Variants in SEMA4D observed in about 807,000 individuals in gnomAD.
SEMA4D encodes semaphorin 4D, also known as semaphorin-4D.
In SEMA4D, 22 loss-of-function variants were observed where a neutral mutation model predicts 74.8. The ratio of observed to expected loss-of-function variants is 0.29; its 90% confidence interval spans 0.21 to 0.42. The LOEUF (loss-of-function observed/expected upper bound fraction) is 0.42, where lower values mean the gene tolerates loss of function less well. SEMA4D is among the 10% of genes least tolerant of loss of function. The probability of loss-of-function intolerance (pLI) is 1.00; values close to 1 mark genes in which losing one functional copy is unlikely to be tolerated. For synonymous variants in SEMA4D, 445 were observed against 463.7 expected (o/e 0.96, Z 0.52); for missense variants, 937 against 1,118.4 (o/e 0.84, Z 2.31).
chr9:89,411,070 G>C (rs563878296), intron 2 of SEMA4D, among the ~76,000 whole-genome samples: 1 of 152,220 alleles, frequency 6.6e-6, no homozygotes, highest in African/African-American at 2.4e-5. Flanking sequence ...CTTAGGAAGC[G>C]AGTGGAGGAG....
chr9:89,419,807 C>T (rs1846512075), intron 2 of SEMA4D, among the ~76,000 whole-genome samples: 1 of 152,084 alleles, frequency 6.6e-6, no homozygotes, highest in Admixed American at 6.6e-5. Flanking sequence ...ATCCCAGCTA[C>T]TTGGGAGGCT....
chr9:89,436,936 G>C (rs55649551), intron 2 of SEMA4D, among the ~76,000 whole-genome samples: 2 of 152,250 alleles, frequency 1.3e-5, no homozygotes, highest in Admixed American at 6.5e-5. Flanking sequence ...GTGAAGTCCC[G>C]AGGAAGCAGA....
chr9:89,386,769 G>A (rs1417309986), intron 12 of SEMA4D: 1 of 323,164 alleles, frequency 3.1e-6, no homozygotes, highest in Non-Finnish European at 5.8e-6. Context: ...TACACTTGAG[G>A]CTAAGTGCCA....
chr9:89,417,462 TA>T (rs1449700867), intron 2 of SEMA4D, among the ~76,000 whole-genome samples: 2 of 152,254 alleles, frequency 1.3e-5, no homozygotes, highest in East Asian at 3.9e-4. Flanking sequence ...GCCAGCAGAA[TA>T]AAAAACCTTG....
rs1335648216 is a variant in SEMA4D, at chr9:89,430,848, G to A, written c.-244+25040C>T. On this transcript the variant is annotated intron_variant, in intron 2 of 15. Coordinates refer to ENST00000422704, the MANE Select transcript of SEMA4D (RefSeq NM_001371194.2). Reference sequence around the variant, plus strand: ...AAAAATTAGCTGGGTGTGGTGGCTCGCGCCTGTAATCCCAGCTACTCAAGA... The same window carrying A: ...AAAAATTAGCTGGGTGTGGTGGCTCACGCCTGTAATCCCAGCTACTCAAGA... Among the ~76,000 whole-genome samples the A allele has an allele frequency of 5.9e-5, 9 of 151,816 alleles. 2 individuals carry two copies. The South Asian group carries it at 1.7e-3, about 29-fold the overall frequency.
At chr9:89,388,484 T>G in intron 11 of SEMA4D, 152 bp downstream of exon 11, 4 of 827,224 alleles carry the variant, frequency 4.8e-6, no homozygotes, top group South Asian at 2.1e-5. Flanking sequence ...GGAAGAAGGA[T>G]GAGCTGTGCT....
intron 16 of SEMA4D, chr9:89,369,048 G>T (rs11507705): frequency 0.14 from 21,955 of 152,252 alleles, 2,792 homozygotes; most frequent in African/African-American, 0.35. Context: ...TCTAACATGC[G>T]AAGGACCTCA....
chr9:89,471,856 A>G (rs1268006563), intron 1 of SEMA4D, among the ~76,000 whole-genome samples: 3 of 124,678 alleles, frequency 2.4e-5, no homozygotes, highest in Non-Finnish European at 3.4e-5. Flanking sequence ...GTGCATGCCA[A>G]CTCAGGTGCA....
At chr9:89,455,076 T>C (rs1400993939) in intron 2 of SEMA4D, among the ~76,000 whole-genome samples, 2 of 152,238 alleles carry the variant, frequency 1.3e-5, no homozygotes, top group African/African-American at 4.8e-5. Context: ...ACGGGTAGCC[T>C]GGGTCATAGC....
chr9:89,363,343 T>TG, intron 18 of SEMA4D: 3 of 1,572,896 alleles, frequency 1.9e-6, no homozygotes, highest in Non-Finnish European at 2.6e-6. Context: ...CCATGCTGAA[T>TG]GGGGCCCTTG....
Position 89,389,060 on chromosome 9 carries a change from C to A in SEMA4D, c.775-13G>T. ...CGCCCTGGTCCCCCTAAAACCCCAA[C>A]AAGAAGACGTGGTGGGCCGAGAGTG... On this transcript the variant is annotated splice_polypyrimidine_tract_variant and intron_variant, in intron 9 of 15. Transcript: ENST00000422704. 1.2e-6 allele frequency: 2 copies of A among 1,613,834 alleles called. No homozygotes were observed. The highest frequency in any genetic ancestry group is 2.2e-5 in the East Asian group (1 of 44,874).
rs3922861 is a variant in SEMA4D at position 89,405,977 on chromosome 9, G to A, written c.-243-278C>T. On this transcript the variant is annotated intron_variant, in intron 2 of 15. Transcript: ENST00000422704. Reference sequence around the variant, plus strand: ...GGAGAGGACCTGGTGTGGGGCACCCGGCAGACACACATGGCCGGCTGGCTG... The same window carrying A: ...GGAGAGGACCTGGTGTGGGGCACCCAGCAGACACACATGGCCGGCTGGCTG... 2.2e-3 allele frequency: 2,411 copies of A among 1,091,466 alleles called. 39 individuals are homozygous for A. In the African/African-American group the frequency reaches 0.037, roughly 17 times the overall value. The allele number at this position is 1,091,466 out of a possible 1,614,324, so 67.6% of individuals were successfully genotyped here. A position where few individuals can be genotyped will look rare whatever the true frequency, so the allele number is the denominator to read the frequency against.
rs112575155 is a variant in SEMA4D, at chr9:89,409,787, A to G, written c.-243-4088T>C. ...GATCACTGTTGGAGAGATATGGTTT[A>G]CATGGGATCTAATTCCTATCTAGAT... is the stretch of plus-strand genomic sequence containing the variant. On this transcript the variant is annotated intron_variant, in intron 2 of 15. Transcript: ENST00000422704. 3.3e-5 allele frequency among the ~76,000 whole-genome samples: 5 copies of G among 152,244 alleles called. 1 individual carries two copies. The highest frequency in any genetic ancestry group is 1.2e-4 in the African/African-American group (5 of 41,536).
chr9:89,468,549 G>T (rs1464838479), intron 1 of SEMA4D, among the ~76,000 whole-genome samples: 6 of 152,094 alleles, frequency 3.9e-5, no homozygotes, highest in African/African-American at 1.4e-4. Flanking sequence ...CACTCCTTTT[G>T]GCCTTATTTT....
At chr9:89,404,044 G>T (rs563027489) in intron 3 of SEMA4D, among the ~76,000 whole-genome samples, 1 of 152,296 alleles carries the variant, frequency 6.6e-6, no homozygotes, top group African/African-American at 2.4e-5. Context: ...GGCCTATATT[G>T]CTGACAGCTC....
chr9:89,480,312 A>G (rs1326091151), intron 1 of SEMA4D, among the ~76,000 whole-genome samples: 11 of 151,582 alleles, frequency 7.3e-5, no homozygotes, highest in Non-Finnish European at 1.3e-4. Context: ...AGATATAAAG[A>G]CTCTCCACGT....
chr9:89,377,247 G>T lies in SEMA4D; in HGVS notation c.*1457C>A. On this transcript the variant is annotated 3_prime_UTR_variant, in exon 16 of 16. Transcript: ENST00000422704. Reference sequence around the variant, plus strand: ...TGTCTTCCCCAAATCAAGGATAGAAGCTTCTCATTTATTTGGGTACTTTCC... The same window carrying T: ...TGTCTTCCCCAAATCAAGGATAGAATCTTCTCATTTATTTGGGTACTTTCC... The T allele has an allele frequency of 1.3e-6, 1 of 741,390 alleles. No individual in the cohort carries two copies. 45.9% of individuals were successfully genotyped at this position (741,390 alleles called of 1,614,324 possible).
chr9:89,387,687 AG>A (rs940710651), intron 11 of SEMA4D, 79 bp from the exon 12 acceptor site: 47 of 1,261,310 alleles, frequency 3.7e-5, no homozygotes, highest in African/African-American at 1.8e-4. Flanking sequence ...CAGCCAACGC[AG>A]GGGGGGCTGC....
chr9:89,363,969 T>A, intron 16 of SEMA4D: 1 of 1,614,022 alleles, frequency 6.2e-7, no homozygotes, highest in Non-Finnish European at 8.5e-7. Flanking sequence ...ACAGACCGTT[T>A]CCACCTCTGA....
Sources: gnomAD v4.1 joint callset for allele counts (sites outside exome capture counted in the v4.1 genomes callset) on GRCh38, gnomAD v4.1.1 for gene constraint, MANE v1.5 for transcripts, NCBI Gene and HGNC (gene_info 2026-07-23, HGNC 2026-07-21) for gene names.